NMS: variants seen among roughly 807,000 people sequenced by gnomAD.
NMS encodes the protein neuromedin S, also known as neuromedin-S.
Under a neutral mutation model 32.2 loss-of-function variants are expected in NMS, and 30 were observed. The ratio of observed to expected loss-of-function variants is 0.93; its 90% CI spans 0.70 to 1.26. The LOEUF (loss-of-function observed/expected upper bound fraction) is 1.26, where lower values mean the gene tolerates loss of function less well. NMS is among the 50% of genes most tolerant of loss of function. The probability of loss-of-function intolerance (pLI) is 0.00; values close to 1 mark genes in which losing one functional copy is unlikely to be tolerated. For synonymous variants in NMS, 76 were observed against 58.5 expected (o/e 1.30, Z -1.37); for missense variants, 190 against 186.3 (o/e 1.02, Z -0.12).
intron 8 of NMS, among the ~76,000 whole-genome samples, chr2:100,481,575 C>A (rs979873043): frequency 6.6e-6 from 1 of 152,196 alleles, no homozygotes; most frequent in South Asian, 2.1e-4. Flanking sequence ...GAAGAGTTAT[C>A]TTTTAGATTT....
At chr2:100,480,435 GA>G in intron 6 of NMS, 60 bp from the exon 7 acceptor site, 1 of 1,566,482 alleles carries the variant, frequency 6.4e-7, no homozygotes, top group Non-Finnish European at 8.8e-7. Flanking sequence ...ATCACTGCAA[GA>G]CAACTGCAAG....
intron 3 of NMS, among the ~76,000 whole-genome samples, chr2:100,475,215 C>A (rs192939390): frequency 1.5e-3 from 231 of 152,314 alleles, no homozygotes; most frequent in African/African-American, 5.4e-3. Flanking sequence ...AATAGAGAAA[C>A]TGGCTCTTCC....
At chr2:100,482,560 G>A (rs941544279) in intron 9 of NMS, among the ~76,000 whole-genome samples, 4 of 151,882 alleles carry the variant, frequency 2.6e-5, no homozygotes, top group Non-Finnish European at 5.9e-5. Context: ...CCAGCTCTTC[G>A]GAGGCATGTG....
intron 1 of NMS, among the ~76,000 whole-genome samples, chr2:100,472,044 A>G (rs971554128): frequency 1.3e-5 from 2 of 152,210 alleles, no homozygotes; most frequent in Non-Finnish European, 2.9e-5. Flanking sequence ...TGGCTCAGAG[A>G]GAACGCAGGG....
At chr2:100,475,356 A>G (rs1677089204) in intron 3 of NMS, among the ~76,000 whole-genome samples, 1 of 152,148 alleles carries the variant, frequency 6.6e-6, no homozygotes, top group Non-Finnish European at 1.5e-5. Flanking sequence ...GGTTTCCAGA[A>G]TAGGCCAAGT....
At chr2:100,472,688 G>A in intron 1 of NMS, 107 bp from the exon 2 acceptor site, 1 of 685,094 alleles carries the variant, frequency 1.5e-6, no homozygotes, top group Non-Finnish European at 2.5e-6. Context: ...ATGGTTCTTT[G>A]GTGGTTTATT....
At chr2:100,481,725 G>T (rs1677219971) in intron 8 of NMS, among the ~76,000 whole-genome samples, 2 of 152,210 alleles carry the variant, frequency 1.3e-5, no homozygotes, top group African/African-American at 4.8e-5. Flanking sequence ...TTCTGCAAAA[G>T]TCAGCTAAGA....
In NMS at chr2:100,480,491, T is replaced by G. The variant is rs1372995055; in HGVS notation, c.337-5T>G. 1 of 1,613,646 alleles carries G rather than the reference T, an allele frequency of 6.2e-7. No individual in the cohort carries two copies. The highest frequency in any genetic ancestry group is 8.5e-7 in the Non-Finnish European group (1 of 1,179,958). ...TGAATTAACCTGTGCCTCATTTCCTTGCAGGGCTCGGGGACTGCTGCAGTG... is the reference window on the plus strand; with the variant it reads ...TGAATTAACCTGTGCCTCATTTCCTGGCAGGGCTCGGGGACTGCTGCAGTG... On this transcript the variant is annotated splice_polypyrimidine_tract_variant and splice_region_variant and intron_variant, in intron 6 of 9. Coordinates refer to ENST00000376865, the MANE Select transcript of NMS (RefSeq NM_001011717.1).
rs1677127682 is a variant in NMS at position 100,477,224 on chromosome 2, C to A, written c.184-20C>A. On this transcript the variant is annotated intron_variant, in intron 3 of 9. Transcript: ENST00000376865. ...CCCTGTAAAATTTCATCTAACTTAC[C>A]CTCACAATTCTCTTTCCAGGATAAT... The A allele has an allele frequency of 6.2e-7, 1 of 1,611,390 alleles. No individual in the cohort carries two copies. The highest frequency in any genetic ancestry group is 8.5e-7 in the Non-Finnish European group (1 of 1,177,616).
At chr2:100,476,802 C>T (rs1224236403) in intron 3 of NMS, among the ~76,000 whole-genome samples, 1 of 152,088 alleles carries the variant, frequency 6.6e-6, no homozygotes, top group Non-Finnish European at 1.5e-5. Flanking sequence ...GGACTTTCTG[C>T]AAGGATAGCA....
At chr2:100,472,751 G>T (rs770220545) in intron 1 of NMS, 44 bp from the exon 2 acceptor site, 1 of 1,240,622 alleles carries the variant, frequency 8.1e-7, no homozygotes, top group Non-Finnish European at 1.2e-6. Flanking sequence ...TAAATGCTAT[G>T]ACCTCTTTTC....
chr2:100,479,290 C>G (rs561469526), intron 5 of NMS, 63 bp from the exon 6 acceptor site: 2 of 1,220,912 alleles, frequency 1.6e-6, no homozygotes, highest in African/African-American at 1.5e-5. Flanking sequence ...TAGCCCTGGG[C>G]TCTCAAAATA....
At chr2:100,474,445 T>C (rs1292501028) in intron 3 of NMS, among the ~76,000 whole-genome samples, 1 of 152,188 alleles carries the variant, frequency 6.6e-6, no homozygotes, top group Admixed American at 6.5e-5. Flanking sequence ...ATCTTTTCCT[T>C]AGTCAGAAAT....
At chr2:100,471,645 C>T (rs956124480) in intron 1 of NMS, among the ~76,000 whole-genome samples, 6 of 152,094 alleles carry the variant, frequency 3.9e-5, no homozygotes, top group African/African-American at 1.2e-4. Flanking sequence ...ACTTTATGTT[C>T]CCTGAGGGTA....
intron 5 of NMS, among the ~76,000 whole-genome samples, chr2:100,477,819 C>A (rs529345523): frequency 6.6e-6 from 1 of 152,208 alleles, no homozygotes; most frequent in East Asian, 1.9e-4. Flanking sequence ...GAACATCTTC[C>A]GTGGCTGTCG....
chr2:100,471,858 T>G (rs1039272651), intron 1 of NMS, among the ~76,000 whole-genome samples: 2 of 152,242 alleles, frequency 1.3e-5, no homozygotes, highest in African/African-American at 4.8e-5. Context: ...TCTTACTTAT[T>G]GAAGTTCTCA....
At chr2:100,473,386 A>C in intron 2 of NMS, 103 bp from the exon 3 acceptor site, 1 of 460,318 alleles carries the variant, frequency 2.2e-6, no homozygotes, top group Non-Finnish European at 3.8e-6. Flanking sequence ...ATCAAACACC[A>C]GGCCTTGTTT....
At chr2:100,479,579 C>G in intron 6 of NMS, 152 bp downstream of exon 6, 1 of 665,742 alleles carries the variant, frequency 1.5e-6, no homozygotes, top group Non-Finnish European at 2.5e-6. Flanking sequence ...ACTGCTGGTC[C>G]TTTGACCTCC....
rs115879167 is a variant in NMS at position 100,482,714 on chromosome 2, G to T, written c.449+403G>T. On this transcript the variant is annotated intron_variant, in intron 9 of 9. Coordinates refer to ENST00000376865, the MANE Select transcript of NMS (RefSeq NM_001011717.1). ...ACCAAGGAGTTCTGGAAGCTACCAGGCTCCCTACAGTGAGATCATTTCTAA... is the reference window on the plus strand; with the variant it reads ...ACCAAGGAGTTCTGGAAGCTACCAGTCTCCCTACAGTGAGATCATTTCTAA... 5.0e-3 allele frequency among the ~76,000 whole-genome samples: 759 copies of T among 152,282 alleles called. 7 individuals are homozygous for T. Among genetic ancestry groups the T allele is most frequent in the African/African-American group, 0.018 (732 of 41,554 alleles).
Sources: allele counts gnomAD v4.1 joint callset (sites outside exome capture counted in the v4.1 genomes callset), GRCh38; gene constraint gnomAD v4.1.1; transcripts MANE v1.5; gene names NCBI Gene and HGNC (gene_info 2026-07-23, HGNC 2026-07-21).